The following RCAN3 variants were observed in gnomAD, a reference collection of about 807,000 sequenced individuals.
RCAN3 encodes the protein calcipressin-3.
A neutral mutation model predicts 21.9 loss-of-function variants in RCAN3; 19 were observed. The observed-to-expected ratio is 0.87, with a 90% CI of 0.61 to 1.27. The LOEUF (loss-of-function observed/expected upper bound fraction) is 1.27, where lower values mean the gene tolerates loss of function less well. Among genes scored for constraint, RCAN3 ranks in the 50% most tolerant of loss-of-function variants. The probability of loss-of-function intolerance (pLI) is 0.00; values close to 1 mark genes in which losing one functional copy is unlikely to be tolerated. For missense variants in RCAN3, 240 were observed against 300.1 expected, an observed-to-expected ratio of 0.80 and a Z score of 1.48; for synonymous variants, 114 against 112.3, an observed-to-expected ratio of 1.01 and a Z score of -0.09.
intron 1 of RCAN3, among the ~76,000 whole-genome samples, chr1:24,504,742 G>A (rs1156616656): frequency 1.3e-5 from 2 of 152,224 alleles, no homozygotes; most frequent in Admixed American, 6.5e-5. Flanking sequence ...AACACAGAAG[G>A]TGGAGGTCGG....
chr1:24,515,768 T>C (rs1318375148), intron 2 of RCAN3, among the ~76,000 whole-genome samples: 1 of 152,090 alleles, frequency 6.6e-6, no homozygotes, highest in African/African-American at 2.4e-5. Context: ...CCTCATGGTG[T>C]CCAGCCCTGC....
At chr1:24,528,862 A>G (rs58768312) in intron 2 of RCAN3, among the ~76,000 whole-genome samples, 5,593 of 152,282 alleles carry the variant, frequency 0.037, 361 homozygotes, top group African/African-American at 0.13. Context: ...GAACATGTTT[A>G]TAATACTGTA....
intron 1 of RCAN3, among the ~76,000 whole-genome samples, chr1:24,513,060 A>C: frequency 6.6e-6 from 1 of 152,000 alleles, no homozygotes; most frequent in East Asian, 1.9e-4. Flanking sequence ...ACACAGTGAA[A>C]CCCCATCTCT....
chr1:24,514,615 GTA>G (rs1648146696), intron 2 of RCAN3, 48 bp downstream of exon 2: 1 of 1,543,584 alleles, frequency 6.5e-7, no homozygotes, highest in African/African-American at 1.4e-5. Context: ...TGTTAAATGT[GTA>G]TGGATTTGGG....
Position 24,536,841 on chromosome 1 carries a change from C to T in RCAN3, c.*1564C>T, listed in dbSNP as rs1650263157. 6.6e-6 allele frequency: 1 copy of T among 151,912 alleles called. No individual in the cohort carries two copies. The highest frequency in any genetic ancestry group is 6.6e-5 in the Admixed American group (1 of 15,248). The allele number at this position is 151,912 out of a possible 1,614,324, so 9.4% of individuals were successfully genotyped here. ...TTTTTTTTTTCTGTATCTTCCTTGCCCTCAAATACCCTGAGGTGATAAACT... is the reference window on the plus strand; with the variant it reads ...TTTTTTTTTTCTGTATCTTCCTTGCTCTCAAATACCCTGAGGTGATAAACT... On this transcript the variant is annotated 3_prime_UTR_variant, in exon 5 of 5. Transcript: ENST00000374395.
chr1:24,529,581 C>T (rs1359645293), intron 2 of RCAN3, among the ~76,000 whole-genome samples: 3 of 133,890 alleles, frequency 2.2e-5, no homozygotes, highest in Non-Finnish European at 4.8e-5. Context: ...GACAGAGTCT[C>T]GTTCTGTCAC....
Position 24,535,773 on chromosome 1 carries a change from T to C in RCAN3, c.*496T>C, listed in dbSNP as rs1650185341. 1 of 152,420 alleles carries C rather than the reference T, an allele frequency of 6.6e-6. No individual in the cohort carries two copies. The highest frequency in any genetic ancestry group is 6.5e-5 in the Admixed American group (1 of 15,280). 9.4% of individuals were successfully genotyped at this position (152,420 alleles called of 1,614,324 possible). A position where few individuals can be genotyped will look rare whatever the true frequency, so the allele number is the denominator to read the frequency against. Reference sequence around the variant, plus strand: ...AGGTTGTTACTCAGTATACATGAAATTTTTTGCAGGAAAAGAAACCAGAAA... The same window carrying C: ...AGGTTGTTACTCAGTATACATGAAACTTTTTGCAGGAAAAGAAACCAGAAA... On this transcript the variant is annotated 3_prime_UTR_variant, in exon 5 of 5. Transcript: ENST00000374395.
chr1:24,502,768 CG>C (rs1042676899), upstream of RCAN3: 2 of 151,000 alleles, frequency 1.3e-5, no homozygotes, highest in African/African-American at 4.9e-5. Context: ...GCCCCCGCCC[CG>C]GTCCCCGCCC....
chr1:24,522,750 T>C (rs9424380), intron 2 of RCAN3, among the ~76,000 whole-genome samples: 10,599 of 152,228 alleles, frequency 0.07, 1,180 homozygotes, highest in African/African-American at 0.23. Flanking sequence ...GTTATGGTTA[T>C]TCCTCTTATG....
chr1:24,522,208 G>C (rs894528035), intron 2 of RCAN3, among the ~76,000 whole-genome samples: 1 of 152,126 alleles, frequency 6.6e-6, no homozygotes, highest in Non-Finnish European at 1.5e-5. Context: ...TGTGCGGTAT[G>C]TATGTATTGG....
At chr1:24,515,695 A>G (rs974299954) in intron 2 of RCAN3, among the ~76,000 whole-genome samples, 1 of 152,156 alleles carries the variant, frequency 6.6e-6, no homozygotes, top group Non-Finnish European at 1.5e-5. Context: ...TTGAGTGCCT[A>G]CGGTGTGCCA....
intron 1 of RCAN3, among the ~76,000 whole-genome samples, chr1:24,506,120 G>A (rs2148890051): frequency 6.6e-6 from 1 of 152,296 alleles, no homozygotes; most frequent in East Asian, 1.9e-4. Context: ...AGGAGCTGGA[G>A]GATATCGGTT....
intron 2 of RCAN3, among the ~76,000 whole-genome samples, chr1:24,524,485 A>G (rs1649095393): frequency 6.6e-6 from 1 of 152,250 alleles, no homozygotes; most frequent in Non-Finnish European, 1.5e-5. Context: ...TACTCAGATT[A>G]TCAAAGTAAA....
intron 4 of RCAN3, among the ~76,000 whole-genome samples, chr1:24,533,979 T>C (rs1478807163): frequency 6.6e-6 from 1 of 152,204 alleles, no homozygotes; most frequent in Non-Finnish European, 1.5e-5. Context: ...TTGAATATAT[T>C]ACAAGGAATT....
intron 2 of RCAN3, among the ~76,000 whole-genome samples, chr1:24,526,937 AT>A (rs1298328777): frequency 2.0e-5 from 3 of 152,252 alleles, no homozygotes; most frequent in Non-Finnish European, 4.4e-5. Flanking sequence ...AATAATAATT[AT>A]CAGCATTTAA....
chr1:24,505,225 C>CTTTTTTTTTTTTTTTTTTTTTTTTTT (rs1351108344), intron 1 of RCAN3, among the ~76,000 whole-genome samples: 1 of 109,564 alleles, frequency 9.1e-6, no homozygotes, highest in Admixed American at 9.5e-5. Flanking sequence ...TTTTTTTTCT[C>CTTTTTTTTTTTTTTTTTTTTTTTTTT]TTTTTTCTTT....
At chr1:24,510,664 C>T (rs534887213) in intron 1 of RCAN3, among the ~76,000 whole-genome samples, 3 of 152,292 alleles carry the variant, frequency 2.0e-5, no homozygotes, top group African/African-American at 4.8e-5. Context: ...TTCGTATCAG[C>T]GATAAGTCTG....
intron 2 of RCAN3, among the ~76,000 whole-genome samples, chr1:24,529,802 C>T (rs1343191641): frequency 3.3e-5 from 5 of 151,392 alleles, no homozygotes; most frequent in African/African-American, 1.2e-4. Context: ...CCGCCTACCT[C>T]AGCCTCCCAA....
At chr1:24,532,354 G>C (rs558058364) in intron 3 of RCAN3, among the ~76,000 whole-genome samples, 1 of 152,164 alleles carries the variant, frequency 6.6e-6, no homozygotes, top group Admixed American at 6.5e-5. Context: ...CGCCTCCCAA[G>C]TAGCTGGGAC....
Sources: gnomAD v4.1 joint callset for allele counts (sites outside exome capture counted in the v4.1 genomes callset) on GRCh38, gnomAD v4.1.1 for gene constraint, MANE v1.5 for transcripts, NCBI Gene and HGNC (gene_info 2026-07-23, HGNC 2026-07-21) for gene names.